ADAMTS17: variants seen among roughly 807,000 people sequenced by gnomAD.
The protein encoded by ADAMTS17 is A disintegrin and metalloproteinase with thrombospondin motifs 17.
ADAMTS17 carries 113 observed loss-of-function variants against 141.5 expected under a neutral mutation model. That is an observed-to-expected ratio of 0.80 (90% CI 0.69 to 0.93). ADAMTS17 has a LOEUF of 0.93. Among genes scored for constraint, ADAMTS17 ranks in the 40% least tolerant of loss-of-function variants. The probability of loss-of-function intolerance (pLI) is 0.00; values close to 1 mark genes in which losing one functional copy is unlikely to be tolerated. For synonymous variants in ADAMTS17, 768 were observed against 630.6 expected (o/e 1.22, Z -3.27); for missense variants, 1,659 against 1,517.9 (o/e 1.09, Z -1.54).
At chr15:100,144,370 C>G (rs966667114) in intron 10 of ADAMTS17, among the ~76,000 whole-genome samples, 2 of 152,042 alleles carry the variant, frequency 1.3e-5, no homozygotes, top group Non-Finnish European at 2.9e-5. Flanking sequence ...GCCAACATGG[C>G]AAAACCCTGT....
intron 3 of ADAMTS17, among the ~76,000 whole-genome samples, chr15:100,316,552 CCTGT>C (rs1458333251): frequency 1.3e-5 from 2 of 152,154 alleles, no homozygotes; most frequent in African/African-American, 4.8e-5. Context: ...TTTCCTCTGC[CCTGT>C]CTCTCTCTCC....
intron 7 of ADAMTS17, among the ~76,000 whole-genome samples, chr15:100,202,898 G>A (rs983944876): frequency 6.6e-6 from 1 of 152,242 alleles, no homozygotes; most frequent in African/African-American, 2.4e-5. Context: ...ATGCTGGGGA[G>A]AGGCTTTTAG....
chr15:100,160,065 A>AG (rs2039619588), intron 8 of ADAMTS17, among the ~76,000 whole-genome samples: 1 of 23,464 alleles, frequency 4.3e-5, no homozygotes, highest in African/African-American at 8.9e-5. Flanking sequence ...GCCCCCCAGT[A>AG]AAGAGGGTCT....
intron 10 of ADAMTS17, among the ~76,000 whole-genome samples, chr15:100,139,397 C>T (rs928435979): frequency 2.0e-5 from 3 of 152,088 alleles, no homozygotes; most frequent in Non-Finnish European, 4.4e-5. Flanking sequence ...TGGCAATGTC[C>T]GAAGGCATTT....
Position 99,990,661 on chromosome 15 carries a change from C to CT in ADAMTS17, c.2949+2386dup, listed in dbSNP as rs143714886. On this transcript the variant is annotated intron_variant, in intron 20 of 21. Transcript: ENST00000268070. ...TTTTTTACTCAAAGGGTTTGGGGAA[C>CT]TTTGTGTTCTGACTTGGGCTGATGG... Among the ~76,000 whole-genome samples the CT allele has an allele frequency of 5.5e-3, 822 of 148,808 alleles. 8 individuals are homozygous for CT. Among genetic ancestry groups the CT allele is most frequent in the African/African-American group, 0.019 (781 of 40,194 alleles).
At chr15:100,211,015 G>A (rs989091149) in intron 7 of ADAMTS17, among the ~76,000 whole-genome samples, 2 of 151,944 alleles carry the variant, frequency 1.3e-5, no homozygotes, top group South Asian at 2.1e-4. Context: ...CAGGAGAATG[G>A]CGTGAATCTG....
intron 12 of ADAMTS17, among the ~76,000 whole-genome samples, chr15:100,117,576 A>C (rs1400811678): frequency 6.6e-6 from 1 of 152,184 alleles, no homozygotes; most frequent in Non-Finnish European, 1.5e-5. Context: ...GTGTGAGACC[A>C]CACATGGTCA....
intron 8 of ADAMTS17, among the ~76,000 whole-genome samples, chr15:100,172,323 T>G (rs112105257): frequency 6.6e-6 from 1 of 152,232 alleles, no homozygotes; most frequent in Non-Finnish European, 1.5e-5. Context: ...TGTCTATTGT[T>G]GGATGCAGTG....
chr15:100,196,545 C>G (rs1239346384), intron 8 of ADAMTS17, among the ~76,000 whole-genome samples: 1 of 152,262 alleles, frequency 6.6e-6, no homozygotes, highest in African/African-American at 2.4e-5. Context: ...TGCAAAGGCA[C>G]ACACGCACAT....
At position 100,166,239 on chromosome 15, in the gene ADAMTS17, T is replaced by C. The variant is rs571519710; in HGVS notation, c.1182-10919A>G. ...TTCTATTGTAATGATTGCTTGTACT[T>C]AGGAAAACTACAGATTGCTGCATGT... On this transcript the variant is annotated intron_variant, in intron 8 of 21. Transcript: ENST00000268070. Among the ~76,000 whole-genome samples, 15 of 152,326 alleles carry C rather than the reference T, an allele frequency of 9.8e-5. No homozygotes were observed. The South Asian group carries it at 2.9e-3, about 29-fold the overall frequency.
intron 3 of ADAMTS17, among the ~76,000 whole-genome samples, chr15:100,304,312 C>A (rs909268772): frequency 6.6e-6 from 1 of 152,192 alleles, no homozygotes; most frequent in South Asian, 2.1e-4. Flanking sequence ...ACTCTGTGGC[C>A]TGCTGGATTT....
rs1297239401 is a variant in ADAMTS17, at chr15:100,264,917, C to T, written c.790-2482G>A. 4.6e-5 allele frequency among the ~76,000 whole-genome samples: 7 copies of T among 152,208 alleles called. No homozygotes were observed. The South Asian group carries it at 1.2e-3, about 27-fold the overall frequency. ...CACAGCAATGCGAACCTAAGAATAC[C>T]GAACCACACAGTTAAAAATGGCTAA... On this transcript the variant is annotated intron_variant, in intron 4 of 21. Coordinates refer to ENST00000268070, the MANE Select transcript of ADAMTS17 (RefSeq NM_139057.4).
At chr15:100,205,850 GC>G (rs1353787315) in intron 7 of ADAMTS17, among the ~76,000 whole-genome samples, 1 of 152,242 alleles carries the variant, frequency 6.6e-6, no homozygotes, top group Non-Finnish European at 1.5e-5. Flanking sequence ...TCCAAGCCAA[GC>G]CTCAGGGCCT....
chr15:100,073,614 G>T (rs1178896366), intron 15 of ADAMTS17, among the ~76,000 whole-genome samples: 1 of 151,870 alleles, frequency 6.6e-6, no homozygotes, highest in African/African-American at 2.4e-5. Context: ...TCCTTTGTAG[G>T]GACATGGATG....
chr15:99,992,918 A>G, intron 20 of ADAMTS17, 130 bp downstream of exon 20: 2 of 1,185,190 alleles, frequency 1.7e-6, no homozygotes, highest in Non-Finnish European at 2.4e-6. Context: ...AGCGGGTGGA[A>G]GGAAAATGAA....
intron 16 of ADAMTS17, among the ~76,000 whole-genome samples, chr15:100,052,919 C>T (rs1283881493): frequency 6.6e-6 from 1 of 152,236 alleles, no homozygotes; most frequent in Non-Finnish European, 1.5e-5. Flanking sequence ...GGGGCAACGC[C>T]CACCCTGGGG....
chr15:100,107,805 T>G lies in ADAMTS17; in HGVS notation c.2016+1184A>C, dbSNP rs1375705050. 2.6e-5 allele frequency among the ~76,000 whole-genome samples: 4 copies of G among 152,222 alleles called. No individual in the cohort carries two copies. In the South Asian group the frequency reaches 8.3e-4, roughly 32 times the overall value. On this transcript the variant is annotated intron_variant, in intron 14 of 21. Coordinates refer to ENST00000268070, the MANE Select transcript of ADAMTS17 (RefSeq NM_139057.4). ...TCTTGGACTTCCCAGCTTCCAGAAC[T>G]GTGAGTAATAAAGGTCAGTTGTTCA...
intron 3 of ADAMTS17, chr15:100,306,272 C>T (rs767180285): frequency 3.5e-5 from 12 of 341,460 alleles, no homozygotes; most frequent in African/African-American, 1.9e-4. Context: ...GGTTTCTAAC[C>T]GCTTCAGCCA....
intron 12 of ADAMTS17, among the ~76,000 whole-genome samples, chr15:100,123,213 C>G (rs1010028881): frequency 1.3e-5 from 2 of 152,202 alleles, no homozygotes; most frequent in African/African-American, 4.8e-5. Context: ...AGAGACCACC[C>G]TCACACAGTC....
Sources: allele counts gnomAD v4.1 joint callset (sites outside exome capture counted in the v4.1 genomes callset), GRCh38; gene constraint gnomAD v4.1.1; transcripts MANE v1.5; gene names NCBI Gene and HGNC (gene_info 2026-07-23, HGNC 2026-07-21).